The following SCUBE2 variants were observed in gnomAD, a reference collection of about 807,000 sequenced individuals.
The protein encoded by SCUBE2 is signal peptide, CUB and EGF-like domain-containing protein 2.
Under a neutral mutation model 125.9 loss-of-function variants are expected in SCUBE2, and 114 were observed. The ratio of observed to expected loss-of-function variants is 0.91; its 90% confidence interval spans 0.78 to 1.06. The LOEUF is 1.06. Among genes scored for constraint, SCUBE2 ranks in the 50% least tolerant of loss-of-function variants. The probability of loss-of-function intolerance (pLI) is 0.00; values close to 1 mark genes in which losing one functional copy is unlikely to be tolerated. For missense variants in SCUBE2, 1,255 were observed against 1,301.8 expected (o/e 0.96, Z 0.55); for synonymous variants, 459 against 492.9 (o/e 0.93, Z 0.91).
rs1862741508 is a variant in SCUBE2 at position 9,091,518 on chromosome 11, G to C, written c.11C>G (p.Ala4Gly). The change falls in exon 1 of 23, where the codon GCG (alanine) becomes GGG (glycine). Residue 4 changes from alanine (A) to glycine (G), a missense_variant. Physicochemically the swap from Ala to Gly is moderately conservative, Grantham distance 60. Coordinates refer to ENST00000649792, the MANE Select transcript of SCUBE2 (RefSeq NM_001367977.2). This position sits in a 1 kb window ranked among gnomAD's most constrained non-coding sequence, Gnocchi z 8.5. Reference sequence around the variant, plus strand: ...GGCCGCCCCGGGACGGTTGCGGCCCGCGACCCCCATGGATGGCTCAGCGGT... The same window carrying C: ...GGCCGCCCCGGGACGGTTGCGGCCCCCGACCCCCATGGATGGCTCAGCGGT... MGV[A>G]GRNRPGAAWA... The C allele has an allele frequency of 4.4e-6, 4 of 902,308 alleles. No individual in the cohort carries two copies. Among genetic ancestry groups the C allele is most frequent in the Non-Finnish European group, 5.8e-6 (4 of 690,370 alleles). 55.9% of individuals were successfully genotyped at this position (902,308 alleles called of 1,614,324 possible).
chr11:9,049,629 G>A (rs1341144526), intron 14 of SCUBE2, among the ~76,000 whole-genome samples: 1 of 151,872 alleles, frequency 6.6e-6, no homozygotes, highest in African/African-American at 2.4e-5. Context: ...TTTGGCAAAT[G>A]CAGAAAAAAA....
intron 4 of SCUBE2, among the ~76,000 whole-genome samples, chr11:9,073,117 G>C (rs1860943126): frequency 6.6e-6 from 1 of 152,204 alleles, no homozygotes. Flanking sequence ...GCAGCTTTGA[G>C]CAATCAAAAG....
rs547758597 is a variant in SCUBE2, at chr11:9,079,975, A to C, written c.257-466T>G. Among the ~76,000 whole-genome samples the C allele has an allele frequency of 1.2e-4, 18 of 152,374 alleles. 1 individual carries two copies. The South Asian group carries it at 2.5e-3, about 21-fold the overall frequency. On this transcript the variant is annotated intron_variant, in intron 2 of 22. Coordinates refer to ENST00000649792, the MANE Select transcript of SCUBE2 (RefSeq NM_001367977.2). ...CAAGCTTATTGTAAAATTTATATGGAAATGCAAAAGACTCAGAAGAGCAAA... is the reference window on the plus strand; with the variant it reads ...CAAGCTTATTGTAAAATTTATATGGCAATGCAAAAGACTCAGAAGAGCAAA...
At chr11:9,063,138 G>A (rs573137410) in intron 7 of SCUBE2, among the ~76,000 whole-genome samples, 1 of 152,078 alleles carries the variant, frequency 6.6e-6, no homozygotes, top group Non-Finnish European at 1.5e-5. Context: ...CTCAGCTACT[G>A]GGGAGGCTGA....
intron 9 of SCUBE2, among the ~76,000 whole-genome samples, chr11:9,059,027 C>T (rs72549238): frequency 0.019 from 2,858 of 152,320 alleles, 35 homozygotes; most frequent in Non-Finnish European, 0.03. Flanking sequence ...TTCTGTTTTC[C>T]ATTCCATTTC....
chr11:9,076,434 T>C lies in SCUBE2; in HGVS notation c.383-1819A>G, dbSNP rs186210955. 9.3e-4 allele frequency among the ~76,000 whole-genome samples: 141 copies of C among 152,084 alleles called. 1 individual carries two copies. The Middle Eastern group carries it at 0.017, about 18-fold the overall frequency. On this transcript the variant is annotated intron_variant, in intron 3 of 22. Coordinates refer to ENST00000649792, the MANE Select transcript of SCUBE2 (RefSeq NM_001367977.2). ...CCTTTACTCATCTACCTCTACTAGA[T>C]TGCAAACTCCTTGAGGACAGAGATT...
rs754028134 is a variant in SCUBE2 at position 9,047,356 on chromosome 11, C to A, written c.2002G>T (p.Val668Phe). ...AGCAAGAATGTCCCAGGCCACTCACCACATTGGTTTTCTGCATGACCCTGG... is the reference window on the plus strand; with the variant it reads ...AGCAAGAATGTCCCAGGCCACTCACAACATTGGTTTTCTGCATGACCCTGG... The part of the protein sequence containing the change: ...VGQGHAENQC[V>F]SCRAGTYYDG... Residue 668 changes from valine (V) to phenylalanine (F), a missense_variant and splice_region_variant, in exon 16 of 23, where the codon GTC (valine) becomes TTC (phenylalanine). By Grantham distance (50) the Val-to-Phe change is conservative. Around this residue, in one of 3 missense-constraint regions of SCUBE2, gnomAD observed 515 missense variants for 515.7 expected, o/e 1.00. Transcript: ENST00000649792. 3.1e-6 allele frequency: 5 copies of A among 1,614,136 alleles called. No individual in the cohort carries two copies. In the South Asian group the frequency reaches 4.4e-5, roughly 14 times the overall value.
intron 21 of SCUBE2, chr11:9,024,517 A>G: frequency 1.5e-6 from 1 of 684,696 alleles, no homozygotes; most frequent in Non-Finnish European, 2.2e-6. Context: ...AAAATCCTTC[A>G]GTGGCTTCCT....
chr11:9,052,259 A>G (rs1590069665), intron 13 of SCUBE2, among the ~76,000 whole-genome samples: 1 of 152,258 alleles, frequency 6.6e-6, no homozygotes, highest in Non-Finnish European at 1.5e-5. Flanking sequence ...AGGTGTTCCA[A>G]TGACATAATG....
At chr11:9,066,865 G>T in intron 5 of SCUBE2, 52 bp from the exon 6 acceptor site, 1 of 1,433,160 alleles carries the variant, frequency 7.0e-7, no homozygotes, top group Non-Finnish European at 9.8e-7. Context: ...CACAAACACA[G>T]GGCTGTGTTT....
At chr11:9,046,244 G>A (rs57331971) in intron 16 of SCUBE2, among the ~76,000 whole-genome samples, 1,827 of 151,978 alleles carry the variant, frequency 0.012, 41 homozygotes, top group African/African-American at 0.042. Context: ...TCCTGACCTC[G>A]TGATCTGCCC....
chr11:9,068,529 C>T, intron 5 of SCUBE2, among the ~76,000 whole-genome samples: 1 of 152,150 alleles, frequency 6.6e-6, no homozygotes, highest in Non-Finnish European at 1.5e-5. Context: ...CACAAGTCAA[C>T]CCAGAGCTAT....
At chr11:9,049,754 T>G (rs956001408) in intron 14 of SCUBE2, 1 of 152,370 alleles carries the variant, frequency 6.6e-6, no homozygotes, top group Non-Finnish European at 1.5e-5. Context: ...GTATTAGATA[T>G]ACAAAATGTT....
chr11:9,032,322 C>G (rs539603614), intron 17 of SCUBE2, among the ~76,000 whole-genome samples: 3 of 152,232 alleles, frequency 2.0e-5, no homozygotes, highest in Admixed American at 2.0e-4. Flanking sequence ...CGAGGTCTCA[C>G]TATGTTGCCC....
chr11:9,069,418 C>T lies in SCUBE2; in HGVS notation c.595G>A (p.Glu199Lys). ...KEAPRGSVAC[E>K]CRPGFELAKN... ...GCCAGCTCAAAACCAGGCCTGCACT[C>T]ACAGGCGACGCTGCCCCTTGGGGCC... Residue 199 changes from glutamate to lysine, a missense_variant, in exon 5 of 23, where the codon GAG becomes AAG. Around this residue, in one of 3 missense-constraint regions of SCUBE2, gnomAD observed 362 missense variants for 323.0 expected, o/e 1.12. Transcript: ENST00000649792. The T allele has an allele frequency of 6.2e-7, 1 of 1,614,238 alleles. No homozygotes were observed. Among genetic ancestry groups the T allele is most frequent in the Non-Finnish European group, 8.5e-7 (1 of 1,180,046 alleles).
chr11:9,033,580 G>A, intron 17 of SCUBE2, 46 bp downstream of exon 17: 1 of 1,585,474 alleles, frequency 6.3e-7, no homozygotes, highest in Non-Finnish European at 8.6e-7. Flanking sequence ...TCTAAACAAT[G>A]ACATCAGAGA....
intron 2 of SCUBE2, among the ~76,000 whole-genome samples, chr11:9,086,081 G>T (rs879893374): frequency 6.6e-6 from 1 of 152,104 alleles, no homozygotes; most frequent in Non-Finnish European, 1.5e-5. Flanking sequence ...GTATCCTCCT[G>T]CCTCAGCCGC....
chr11:9,091,497 G>T lies in SCUBE2; in HGVS notation c.32C>A (p.Ala11Glu). 1.8e-6 allele frequency: 2 copies of T among 1,100,514 alleles called. No homozygotes were observed. The highest frequency in any genetic ancestry group is 2.3e-6 in the Non-Finnish European group (2 of 858,712). 68.2% of individuals were successfully genotyped at this position (1,100,514 alleles called of 1,614,324 possible). A position where few individuals can be genotyped will look rare whatever the true frequency, so the allele number is the denominator to read the frequency against. The change falls in exon 1 of 23, where the codon GCG becomes GAG. Residue 11 changes from alanine (A) to glutamate (E), a missense_variant. Ala to Glu is a moderately radical substitution (Grantham distance 107). Coordinates refer to ENST00000649792, the MANE Select transcript of SCUBE2 (RefSeq NM_001367977.2). This position sits in a 1 kb window ranked among gnomAD's most constrained non-coding sequence, Gnocchi z 8.5. MGVAGRNRPG[A>E]AWAVLLLLLL... ...CAGCAGCAGCAGCACCGCCCAGGCCGCCCCGGGACGGTTGCGGCCCGCGAC... is the reference window on the plus strand; with the variant it reads ...CAGCAGCAGCAGCACCGCCCAGGCCTCCCCGGGACGGTTGCGGCCCGCGAC...
At position 9,027,218 on chromosome 11, in the gene SCUBE2, TC is replaced by T. The variant is rs1325401787; in HGVS notation, c.2701+145del. 10 of 745,218 alleles carry T rather than the reference TC, an allele frequency of 1.3e-5. No homozygotes were observed. In the Admixed American group the frequency reaches 2.5e-4, roughly 18 times the overall value. 46.2% of individuals were successfully genotyped at this position (745,218 alleles called of 1,614,324 possible). A position where few individuals can be genotyped will look rare whatever the true frequency, so the allele number is the denominator to read the frequency against. On this transcript the variant is annotated intron_variant, in intron 20 of 22. Coordinates refer to ENST00000649792, the MANE Select transcript of SCUBE2 (RefSeq NM_001367977.2). ...GTGTGGCTTTCATTTAAATTTTGTT[TC>T]TCACCAACTCTATAAACTCATGTTC...
Sources: allele counts gnomAD v4.1 joint callset (sites outside exome capture counted in the v4.1 genomes callset), GRCh38; gene constraint gnomAD v4.1.1; regional missense constraint gnomAD v4.1.1; non-coding constraint Gnocchi (gnomAD v3.1); transcripts MANE v1.5; gene names NCBI Gene and HGNC (gene_info 2026-07-23, HGNC 2026-07-21).